Variants in GPHN observed in about 807,000 individuals in gnomAD.
The protein encoded by GPHN is gephyrin.
Under a neutral mutation model 95.5 loss-of-function variants are expected in GPHN, and 17 were observed. That is an observed-to-expected ratio of 0.18 (90% CI 0.12 to 0.27). The LOEUF is 0.27. Among genes scored for constraint, GPHN ranks in the 10% least tolerant of loss-of-function variants. The pLI is 1.00. For synonymous variants in GPHN, 320 were observed against 322.5 expected (o/e 0.99, Z 0.08); for missense variants, 660 against 978.1 (o/e 0.67, Z 4.34).
At chr14:66,571,193 A>C (rs182762751) in intron 1 of GPHN, among the ~76,000 whole-genome samples, 80 of 152,294 alleles carry the variant, frequency 5.3e-4, no homozygotes, top group Admixed American at 5.2e-3. Flanking sequence ...GACCTTCTTC[A>C]CGTGGCAGGA....
At chr14:66,784,438 T>C (rs1038222943) in intron 3 of GPHN, among the ~76,000 whole-genome samples, 6 of 151,984 alleles carry the variant, frequency 3.9e-5, no homozygotes, top group African/African-American at 7.3e-5. Context: ...AAGGAAGTAA[T>C]AGAAAAAGGC....
At chr14:67,391,594 G>A in the GPHN span, among the ~76,000 whole-genome samples, 1 of 152,314 alleles carries the variant, frequency 6.6e-6, no homozygotes, top group Non-Finnish European at 1.5e-5. Context: ...GTGGTGCCGA[G>A]CCGTGTAGGT....
At chr14:66,859,958 G>C (rs118012525) in intron 4 of GPHN, among the ~76,000 whole-genome samples, 2 of 151,930 alleles carry the variant, frequency 1.3e-5, no homozygotes, top group African/African-American at 4.8e-5. Flanking sequence ...AAAAGGATGA[G>C]GTATGCCTAC....
At chr14:67,617,861 C>G in the GPHN span, among the ~76,000 whole-genome samples, 244 of 152,304 alleles carry the variant, frequency 1.6e-3, no homozygotes, top group African/African-American at 5.8e-3. Flanking sequence ...GTTGGGATTA[C>G]AGGTGCCCGC....
intron 1 of GPHN, among the ~76,000 whole-genome samples, chr14:66,539,930 A>G (rs1251455070): frequency 6.6e-6 from 1 of 152,244 alleles, no homozygotes; most frequent in Non-Finnish European, 1.5e-5. Context: ...ATTGAAATTC[A>G]TCTTTTTCTA....
the GPHN span, among the ~76,000 whole-genome samples, chr14:67,210,277 T>C: frequency 6.6e-6 from 1 of 152,140 alleles, no homozygotes; most frequent in Non-Finnish European, 1.5e-5. Context: ...GAAAAAGCCA[T>C]GGGCAGAATT....
At chr14:66,776,650 G>A in intron 3 of GPHN, 129 bp downstream of exon 3, 1 of 715,282 alleles carries the variant, frequency 1.4e-6, no homozygotes, top group Non-Finnish European at 2.5e-6. Context: ...AGTTATCATA[G>A]TGAATTAAAA....
intron 11 of GPHN, among the ~76,000 whole-genome samples, chr14:67,079,153 G>T (rs1328233979): frequency 6.6e-6 from 1 of 151,892 alleles, no homozygotes; most frequent in Non-Finnish European, 1.5e-5. Context: ...ATCACATATA[G>T]AAATGAAATA....
At chr14:66,801,926 A>G (rs1181304783) in intron 3 of GPHN, among the ~76,000 whole-genome samples, 1 of 152,124 alleles carries the variant, frequency 6.6e-6, no homozygotes, top group Admixed American at 6.5e-5. Context: ...AACCAGCACA[A>G]CACTGGGTCT....
intron 1 of GPHN, among the ~76,000 whole-genome samples, chr14:66,512,749 AC>A (rs1439486661): frequency 6.6e-6 from 1 of 151,786 alleles, no homozygotes; most frequent in East Asian, 1.9e-4. Context: ...TATTAAAAAA[AC>A]AAGCTTGAGC....
chr14:67,417,032 T>C, the GPHN span, among the ~76,000 whole-genome samples: 1 of 152,234 alleles, frequency 6.6e-6, no homozygotes, highest in African/African-American at 2.4e-5. Flanking sequence ...TGTGCTTGAA[T>C]GTTGTGGTAA....
At chr14:67,362,289 G>A in the GPHN span, among the ~76,000 whole-genome samples, 5 of 151,882 alleles carry the variant, frequency 3.3e-5, no homozygotes, top group East Asian at 3.9e-4. Flanking sequence ...CAAAGTGCTG[G>A]GATTACAGGT....
intron 4 of GPHN, among the ~76,000 whole-genome samples, chr14:66,848,779 GA>G (rs200834489): frequency 8.6e-5 from 13 of 151,162 alleles, no homozygotes; most frequent in East Asian, 7.8e-4. Context: ...CTTTTTGCAA[GA>G]AAAAAAAGAA....
intron 10 of GPHN, among the ~76,000 whole-genome samples, chr14:67,050,173 A>G (rs980633072): frequency 2.6e-5 from 4 of 152,244 alleles, no homozygotes; most frequent in African/African-American, 4.8e-5. Flanking sequence ...CCATGCATAT[A>G]TAAAATTTTT....
the GPHN span, among the ~76,000 whole-genome samples, chr14:67,371,113 T>G: frequency 6.6e-6 from 1 of 151,950 alleles, no homozygotes; most frequent in African/African-American, 2.4e-5. Flanking sequence ...ATAATAAAAT[T>G]TCAGAAAGTT....
At chr14:67,268,875 G>T in the GPHN span, among the ~76,000 whole-genome samples, 2 of 152,168 alleles carry the variant, frequency 1.3e-5, no homozygotes, top group Admixed American at 1.3e-4. Flanking sequence ...CCCTATTCAA[G>T]ATGGAGTTGT....
At chr14:66,723,958 A>G (rs1470425916) in intron 2 of GPHN, among the ~76,000 whole-genome samples, 3 of 150,762 alleles carry the variant, frequency 2.0e-5, no homozygotes, top group Non-Finnish European at 2.9e-5. Flanking sequence ...GAGATAGAAA[A>G]ATATCACAAA....
At chr14:67,500,777 T>C in the GPHN span, among the ~76,000 whole-genome samples, 1 of 151,802 alleles carries the variant, frequency 6.6e-6, no homozygotes, top group Admixed American at 6.6e-5. Flanking sequence ...TTCACCGTGT[T>C]AGCCAGGATG....
the GPHN span, chr14:67,395,566 C>T: frequency 1.9e-6 from 3 of 1,614,154 alleles, no homozygotes; most frequent in Non-Finnish European, 2.5e-6. Flanking sequence ...ATGTTTGAGT[C>T]TTCAGCTTAA....
Sources: gnomAD v4.1 joint callset for allele counts (sites outside exome capture counted in the v4.1 genomes callset) on GRCh38, gnomAD v4.1.1 for gene constraint, MANE v1.5 for transcripts, NCBI Gene and HGNC (gene_info 2026-07-23, HGNC 2026-07-21) for gene names.